LY75: variants seen among roughly 807,000 people sequenced by gnomAD.
LY75 encodes C-type lectin domain family 13 member B.
Under a neutral mutation model 231.7 loss-of-function variants are expected in LY75, and 185 were observed. That is an observed-to-expected ratio of 0.80 (90% CI 0.71 to 0.90). The LOEUF is 0.90. Among genes scored for constraint, LY75 ranks in the 40% least tolerant of loss-of-function variants. The pLI is 0.00. For synonymous variants in LY75, 668 were observed against 689.0 expected (o/e 0.97, Z 0.48); for missense variants, 1,947 against 2,050.2 (o/e 0.95, Z 0.97).
At chr2:159,834,704 A>G (rs765621632) in intron 26 of LY75, among the ~76,000 whole-genome samples, 2 of 152,248 alleles carry the variant, frequency 1.3e-5, no homozygotes, top group African/African-American at 2.4e-5. Context: ...TCTGACATCT[A>G]CAGTATCTGA....
At chr2:159,821,728 T>G (rs952655157) in intron 28 of LY75, among the ~76,000 whole-genome samples, 5 of 152,018 alleles carry the variant, frequency 3.3e-5, no homozygotes, top group African/African-American at 1.2e-4. Flanking sequence ...GAAAAACACT[T>G]TTGTGATGGA....
rs1683134205 is a variant in LY75 at position 159,816,898 on chromosome 2, C to T, written c.4288G>A (p.Ala1430Thr). 1 of 1,614,160 alleles carries T rather than the reference C, an allele frequency of 6.2e-7. No homozygotes were observed. The highest frequency in any genetic ancestry group is 8.5e-7 in the Non-Finnish European group (1 of 1,180,022). Reference protein sequence around the residue: ...NMCSQSGGHLASVHNQNGQLF... With the variant: ...NMCSQSGGHLTSVHNQNGQLF... ...TGGCCATTTTGGTTGTGAACGCTTGCCAAGTGACCTCCACTTTGAGAACAC... is the reference window on the plus strand; with the variant it reads ...TGGCCATTTTGGTTGTGAACGCTTGTCAAGTGACCTCCACTTTGAGAACAC... Residue 1430 changes from alanine to threonine, a missense_variant, in exon 30 of 35, where the codon GCA (alanine) becomes ACA (threonine). Ala to Thr is a moderately conservative substitution (Grantham distance 58). Coordinates refer to ENST00000263636, the MANE Select transcript of LY75 (RefSeq NM_002349.4).
Position 159,846,398 on chromosome 2 carries a change from G to A in LY75, c.3150+3582C>T, listed in dbSNP as rs771216929. On this transcript the variant is annotated intron_variant, in intron 23 of 34. Transcript: ENST00000263636. ...AAAATGTAGCTGCGCATGGTGGTGC[G>A]CTCCTGCAGTCCTAGCTACTTGGAA... is the stretch of plus-strand genomic sequence containing the variant. 5.9e-5 allele frequency among the ~76,000 whole-genome samples: 9 copies of A among 152,130 alleles called. No homozygotes were observed. In the East Asian group the frequency reaches 9.7e-4, roughly 16 times the overall value.
Position 159,822,174 on chromosome 2 carries a change from G to A in LY75, c.3959-2254C>T, listed in dbSNP as rs114143701. Among the ~76,000 whole-genome samples, 999 of 152,260 alleles carry A rather than the reference G, an allele frequency of 6.6e-3. 12 individuals are homozygous for A. The highest frequency in any genetic ancestry group is 0.023 in the African/African-American group (955 of 41,548). ...ATACCCAAGTGGTGCCTGGAATGCC[G>A]GTGAGACAGAACTGTTCACTCCCCT... is the stretch of plus-strand genomic sequence containing the variant. On this transcript the variant is annotated intron_variant, in intron 28 of 34. Coordinates refer to ENST00000263636, the MANE Select transcript of LY75 (RefSeq NM_002349.4).
chr2:159,831,313 C>T (rs1405071078), intron 28 of LY75, among the ~76,000 whole-genome samples: 2 of 152,212 alleles, frequency 1.3e-5, no homozygotes, highest in African/African-American at 4.8e-5. Flanking sequence ...TCCCATTCGC[C>T]TCTGACATGA....
In LY75 at chr2:159,816,834, G is replaced by T; in HGVS notation, c.4352C>A (p.Pro1451Gln). 1 of 1,614,162 alleles carries T rather than the reference G, an allele frequency of 6.2e-7. No homozygotes were observed. The highest frequency in any genetic ancestry group is 1.7e-5 in the Admixed American group (1 of 60,024). ...ATGACTTGAGAGCCCAACCCATAGT[G>T]GAAATCCATCACGTTTTACAATATC... ...LEDIVKRDGF[P>Q]LWVGLSSHDG... The change falls in exon 30 of 35, where the codon CCA (proline) becomes CAA (glutamine). Residue 1451 changes from proline (P) to glutamine (Q), a missense_variant. Transcript: ENST00000263636.
intron 13 of LY75, among the ~76,000 whole-genome samples, chr2:159,868,092 T>C (rs1308962668): frequency 1.3e-5 from 2 of 152,210 alleles, no homozygotes; most frequent in Non-Finnish European, 2.9e-5. Flanking sequence ...CTTCCTTCTT[T>C]CCTTTAAGCC....
chr2:159,815,543 C>A lies in LY75; in HGVS notation c.4411G>T (p.Gly1471Cys). The change falls in exon 31 of 35, where the codon GGT becomes TGT. Residue 1471 changes from glycine (G) to cysteine (C), a missense_variant. Physicochemically the swap from Gly to Cys is radical, Grantham distance 159. Coordinates refer to ENST00000263636, the MANE Select transcript of LY75 (RefSeq NM_002349.4). Reference protein sequence around the residue: ...GSESSFEWSDGSTFDYIPWKG... With the variant: ...GSESSFEWSDCSTFDYIPWKG... Reference sequence around the variant, plus strand: ...CATGGGATATAGTCAAATGTACTACCATCAGACCATTCAAAACTTGATTCA... The same window carrying A: ...CATGGGATATAGTCAAATGTACTACAATCAGACCATTCAAAACTTGATTCA... The A allele has an allele frequency of 6.2e-7, 1 of 1,612,888 alleles. No homozygotes were observed. Among genetic ancestry groups the A allele is most frequent in the Non-Finnish European group, 8.5e-7 (1 of 1,179,752 alleles).
In LY75 at chr2:159,855,027, A is replaced by G. The variant is rs375117288; in HGVS notation, c.2384-88T>C. The G allele has an allele frequency of 4.1e-5, 63 of 1,543,722 alleles. No homozygotes were observed. The South Asian group carries it at 6.6e-4, about 16-fold the overall frequency. ...ACGGCCTTTAATGTAGCTCGAAAGG[A>G]CTTGCAGTATTGTTGAGTCTTGTCC... is the stretch of plus-strand genomic sequence containing the variant. On this transcript the variant is annotated intron_variant, in intron 16 of 34. Transcript: ENST00000263636.
intron 13 of LY75, among the ~76,000 whole-genome samples, chr2:159,867,685 A>C (rs936954039): frequency 6.6e-6 from 1 of 152,222 alleles, no homozygotes; most frequent in Non-Finnish European, 1.5e-5. Context: ...GAGGGTGCTT[A>C]TTCTACAAAG....
chr2:159,844,789 C>CT (rs143897451), intron 23 of LY75, among the ~76,000 whole-genome samples: 22 of 141,552 alleles, frequency 1.6e-4, no homozygotes, highest in Non-Finnish European at 2.7e-4. Flanking sequence ...AGCTGTCATT[C>CT]TTTTTTTTTT....
chr2:159,889,279 A>C (rs1685681912), intron 4 of LY75, among the ~76,000 whole-genome samples: 1 of 152,120 alleles, frequency 6.6e-6, no homozygotes, highest in Admixed American at 6.5e-5. Context: ...CTCAGGCTGG[A>C]GTGCAGTGAT....
rs1684606657 is a variant in LY75 at position 159,858,445 on chromosome 2, T to C, written c.2300A>G (p.His767Arg). The part of the protein sequence containing the change: ...VFHRPWRRGW[H>R]FYDDREFIYL... ...AATAAATTCTCTATCATCATAGAAA[T>C]GCCAGCCTCTTCGCCATGGCCTATG... The change falls in exon 16 of 35, where the codon CAT becomes CGT. Residue 767 changes from histidine to arginine, a missense_variant. By Grantham distance (29) the His-to-Arg change is conservative. Transcript: ENST00000263636. 6.2e-7 allele frequency: 1 copy of C among 1,613,338 alleles called. No homozygotes were observed. Among genetic ancestry groups the C allele is most frequent in the Non-Finnish European group, 8.5e-7 (1 of 1,179,730 alleles).
At chr2:159,840,260 G>T in intron 25 of LY75, among the ~76,000 whole-genome samples, 1 of 152,104 alleles carries the variant, frequency 6.6e-6, no homozygotes, top group Non-Finnish European at 1.5e-5. Context: ...ATAGTGGAAA[G>T]ATAATTGCCT....
At chr2:159,821,609 A>C (rs547701115) in intron 28 of LY75, among the ~76,000 whole-genome samples, 1 of 135,516 alleles carries the variant, frequency 7.4e-6, no homozygotes, top group East Asian at 2.2e-4. Flanking sequence ...ACAAGAGCAA[A>C]AGTCTGTCTC....
intron 31 of LY75, among the ~76,000 whole-genome samples, 158 bp downstream of exon 31, chr2:159,815,247 C>T (rs528551879): frequency 1.7e-4 from 26 of 152,302 alleles, no homozygotes; most frequent in African/African-American, 5.3e-4. Context: ...GTGATCCGCA[C>T]GCCTCGGCCT....
At chr2:159,870,458 A>C (rs2125866539) in intron 13 of LY75, among the ~76,000 whole-genome samples, 1 of 152,234 alleles carries the variant, frequency 6.6e-6, no homozygotes, top group Middle Eastern at 3.4e-3. Flanking sequence ...CAAAAAACAA[A>C]ACAAAAAGCA....
intron 21 of LY75, among the ~76,000 whole-genome samples, chr2:159,851,584 G>C (rs1012787395): frequency 6.6e-6 from 1 of 152,164 alleles, no homozygotes; most frequent in Admixed American, 6.6e-5. Flanking sequence ...TAATGTGACA[G>C]AATAAATCTT....
chr2:159,818,923 A>C (rs1683203082), intron 29 of LY75, among the ~76,000 whole-genome samples: 1 of 152,216 alleles, frequency 6.6e-6, no homozygotes, highest in African/African-American at 2.4e-5. Flanking sequence ...TTGATTGAGA[A>C]AAAGATGCTT....
Sources: allele counts gnomAD v4.1 joint callset (sites outside exome capture counted in the v4.1 genomes callset), GRCh38; gene constraint gnomAD v4.1.1; transcripts MANE v1.5; gene names NCBI Gene and HGNC (gene_info 2026-07-23, HGNC 2026-07-21).